SLC2A7: variants seen among roughly 807,000 people sequenced by gnomAD.
SLC2A7 encodes the protein solute carrier family 2, facilitated glucose transporter member 7.
In SLC2A7, 50 loss-of-function variants were observed where a neutral mutation model predicts 50.5. The observed-to-expected ratio is 0.99, with a 90% confidence interval of 0.79 to 1.25. The LOEUF (loss-of-function observed/expected upper bound fraction) is 1.25, where lower values mean the gene tolerates loss of function less well. Among genes scored for constraint, SLC2A7 ranks in the 50% most tolerant of loss-of-function variants. The pLI is 0.00. For missense variants in SLC2A7, 683 were observed against 679.1 expected (o/e 1.01, Z -0.06); for synonymous variants, 308 against 300.4 (o/e 1.03, Z -0.26).
At chr1:9,005,805 GA>G (rs913376150) in intron 10 of SLC2A7, among the ~76,000 whole-genome samples, 2 of 150,570 alleles carry the variant, frequency 1.3e-5, no homozygotes, top group South Asian at 2.1e-4. Flanking sequence ...AAAAAAGAAG[GA>G]AAAAAAGAAA....
intron 5 of SLC2A7, among the ~76,000 whole-genome samples, chr1:9,015,931 A>G (rs1640824108): frequency 6.6e-6 from 1 of 150,842 alleles, no homozygotes; most frequent in Non-Finnish European, 1.5e-5. Flanking sequence ...GAGTCTTGCT[A>G]TGTTGCCCAG....
Position 9,015,180 on chromosome 1 carries a change from A to T in SLC2A7, c.652T>A (p.Phe218Ile). ...GAGTAGCGGGGGCTTTCGGGGAAGA[A>T]GGGCAGGGTCAGCAGCTGCAGCAGG... ...PALLQLLTLP[F>I]FPESPRYSLI... The change falls in exon 6 of 12, where the codon TTC becomes ATC. Residue 218 changes from phenylalanine (F) to isoleucine (I), a missense_variant. Coordinates refer to ENST00000400906, the MANE Select transcript of SLC2A7 (RefSeq NM_207420.3). The T allele has an allele frequency of 6.2e-7, 1 of 1,612,404 alleles. No individual in the cohort carries two copies. The highest frequency in any genetic ancestry group is 1.1e-5 in the South Asian group (1 of 90,768).
chr1:9,025,886 C>A (rs1640992493), intron 1 of SLC2A7, among the ~76,000 whole-genome samples: 1 of 152,170 alleles, frequency 6.6e-6, no homozygotes, highest in Admixed American at 6.5e-5. Flanking sequence ...TTCCACATGT[C>A]CTCACCCCAA....
In SLC2A7 at chr1:9,020,206, G is replaced by A. The variant is rs528483520; in HGVS notation, c.312-873C>T. Among the ~76,000 whole-genome samples, 49 of 152,268 alleles carry A rather than the reference G, an allele frequency of 3.2e-4. No homozygotes were observed. In the East Asian group the frequency reaches 5.0e-3, roughly 16 times the overall value. The stretch of plus-strand genomic sequence containing the variant: ...TGGGGAGGGGAGCATTCTAACGATC[G>A]GAGCTGCCTGCAAAGGGGAGGGCAG... On this transcript the variant is annotated intron_variant, in intron 3 of 11. Transcript: ENST00000400906.
rs1041122202 is a variant in SLC2A7, at chr1:9,025,064, G to T, written c.62C>A (p.Pro21Gln). Reference protein sequence around the residue: ...PIPSREGRLQPTLLLATLSAA... With the variant: ...PIPSREGRLQQTLLLATLSAA... ...GCTCAGTGTCGCCAGCAACAGCGTC[G>T]GCTGGAGCCGCTGTAGGAGACAAGT... Residue 21 changes from proline to glutamine, a missense_variant, in exon 2 of 12, where the codon CCG (proline) becomes CAG (glutamine). Transcript: ENST00000400906. 1 of 1,613,018 alleles carries T rather than the reference G, an allele frequency of 6.2e-7. No homozygotes were observed. Among genetic ancestry groups the T allele is most frequent in the Admixed American group, 1.7e-5 (1 of 60,020 alleles).
intron 8 of SLC2A7, among the ~76,000 whole-genome samples, chr1:9,012,468 AC>A (rs1324742095): frequency 3.3e-5 from 5 of 151,932 alleles, no homozygotes; most frequent in Non-Finnish European, 5.9e-5. Context: ...CAGCCTGGGG[AC>A]CTCTGTCCTC....
chr1:9,005,023 AC>A (rs1266236535), intron 10 of SLC2A7, 144 bp from the exon 11 acceptor site: 7 of 934,040 alleles, frequency 7.5e-6, no homozygotes, highest in Non-Finnish European at 1.1e-5. Flanking sequence ...CCCTGCCTTT[AC>A]CCACAAAACC....
rs199751862 is a variant in SLC2A7 at position 9,007,318 on chromosome 1, A to G, written c.1184T>C (p.Ile395Thr). The change falls in exon 10 of 12, where the codon ATT (isoleucine) becomes ACT (threonine). Residue 395 changes from isoleucine (I) to threonine (T), a missense_variant. Transcript: ENST00000400906. Reference sequence around the variant, plus strand: ...GGCGTGCAGGTACTCACTGGGCCCAATGGAATGTCCCGCGATGTAGGCAAA... The same window carrying G: ...GGCGTGCAGGTACTCACTGGGCCCAGTGGAATGTCCCGCGATGTAGGCAAA... ...CVFAYIAGHS[I>T]GPSPVPSVVR... 1,112 of 1,614,212 alleles carry G rather than the reference A, an allele frequency of 6.9e-4. 11 individuals carry two copies. The South Asian group carries it at 0.011, about 16-fold the overall frequency.
In SLC2A7 at chr1:9,007,400, A is replaced by G. The variant is rs1419091105; in HGVS notation, c.1117-15T>C. 2 of 1,613,824 alleles carry G rather than the reference A, an allele frequency of 1.2e-6. No individual in the cohort carries two copies. Among genetic ancestry groups the G allele is most frequent in the Admixed American group, 3.3e-5 (2 of 59,998 alleles). On this transcript the variant is annotated splice_polypyrimidine_tract_variant and intron_variant, in intron 9 of 11. Transcript: ENST00000400906. ...GGGACCCTGTTCTGTGGGGAGAGGCAGGGCTGTCTGGGCTGAGGCCAGGAG... is the reference window on the plus strand; with the variant it reads ...GGGACCCTGTTCTGTGGGGAGAGGCGGGGCTGTCTGGGCTGAGGCCAGGAG...
chr1:9,007,475 G>A, intron 9 of SLC2A7, 90 bp from the exon 10 acceptor site: 1 of 1,225,522 alleles, frequency 8.2e-7, no homozygotes, highest in Non-Finnish European at 1.2e-6. Flanking sequence ...CTGCCCCAGG[G>A]AGGAGCTGCA....
chr1:9,021,704 C>T (rs1292109201), intron 3 of SLC2A7, among the ~76,000 whole-genome samples: 1 of 152,202 alleles, frequency 6.6e-6, no homozygotes, highest in Non-Finnish European at 1.5e-5. Context: ...GTCAGCCAGC[C>T]AGGAGGCCCA....
In SLC2A7 at chr1:9,014,794, G is replaced by C. The variant is rs755498344; in HGVS notation, c.790C>G (p.Arg264Gly). ...EDMRAEARAERAEGHLSVLHL... is the reference protein window; with the variant it reads ...EDMRAEARAEGAEGHLSVLHL... The stretch of plus-strand genomic sequence containing the variant: ...AGCACAGACAGGTGGCCCTCGGCGC[G>C]CTCGGCCCGGGCCTCCGCACGCATG... The change falls in exon 7 of 12, where the codon CGC becomes GGC. Residue 264 changes from arginine (R) to glycine (G), a missense_variant. Transcript: ENST00000400906. The C allele has an allele frequency of 6.2e-7, 1 of 1,601,358 alleles. No homozygotes were observed. The highest frequency in any genetic ancestry group is 1.1e-5 in the South Asian group (1 of 88,954).
chr1:8,992,947 A>G, the SLC2A7 span, among the ~76,000 whole-genome samples: 1 of 152,220 alleles, frequency 6.6e-6, no homozygotes, highest in Non-Finnish European at 1.5e-5. Context: ...AGATTAGGAA[A>G]GAAGCCCACC....
At chr1:8,998,767 T>C (rs1640539824), downstream of SLC2A7, among the ~76,000 whole-genome samples, 1 of 152,112 alleles carries the variant, frequency 6.6e-6, no homozygotes, top group Non-Finnish European at 1.5e-5. Context: ...ATTAAGCCAA[T>C]CTTGCATTCC....
chr1:9,011,746 CTTTTT>C lies in SLC2A7; in HGVS notation c.1015-1507_1015-1503del, dbSNP rs34758810. On this transcript the variant is annotated intron_variant, in intron 8 of 11. Coordinates refer to ENST00000400906, the MANE Select transcript of SLC2A7 (RefSeq NM_207420.3). ...TCCTTTTCTACTTCTTCTTCTTCTT[CTTTTT>C]TTTTTTTTTTTTTTTTTTGGTGGAG... 8.0e-3 allele frequency among the ~76,000 whole-genome samples: 742 copies of C among 93,238 alleles called. 5 individuals are homozygous for C. Among genetic ancestry groups the C allele is most frequent in the African/African-American group, 0.033 (712 of 21,854 alleles). The allele number at this position is 93,238 out of a possible 152,430, so 61.2% of individuals were successfully genotyped here. A position where few individuals can be genotyped will look rare whatever the true frequency, so the allele number is the denominator to read the frequency against.
chr1:9,022,031 CA>C (rs1640919989), intron 3 of SLC2A7, among the ~76,000 whole-genome samples: 1 of 152,116 alleles, frequency 6.6e-6, no homozygotes, highest in Non-Finnish European at 1.5e-5. Context: ...TAATGTATGG[CA>C]AATTAATTGT....
chr1:9,012,885 T>TTTG (rs934503027), intron 8 of SLC2A7, among the ~76,000 whole-genome samples: 3 of 152,104 alleles, frequency 2.0e-5, no homozygotes, highest in Admixed American at 6.6e-5. Context: ...AAGGTTTTTC[T>TTTG]TTGTTGTTGT....
At chr1:8,994,955 G>C in the SLC2A7 span, among the ~76,000 whole-genome samples, 2 of 151,510 alleles carry the variant, frequency 1.3e-5, no homozygotes, top group Non-Finnish European at 2.9e-5. Context: ...ATTTTTAGTA[G>C]AGATGGGGTT....
intron 10 of SLC2A7, among the ~76,000 whole-genome samples, 194 bp downstream of exon 10, chr1:9,007,116 G>A (rs1408847815): frequency 6.6e-6 from 1 of 152,240 alleles, no homozygotes; most frequent in Non-Finnish European, 1.5e-5. Context: ...CGCTGGCCTG[G>A]CTGGCGCTGG....
Sources: gnomAD v4.1 joint callset for allele counts (sites outside exome capture counted in the v4.1 genomes callset) on GRCh38, gnomAD v4.1.1 for gene constraint, MANE v1.5 for transcripts, NCBI Gene and HGNC (gene_info 2026-07-23, HGNC 2026-07-21) for gene names.